The following MGRN1 variants were observed in gnomAD, a reference collection of about 807,000 sequenced individuals.
MGRN1 encodes E3 ubiquitin-protein ligase MGRN1.
In MGRN1, 29 loss-of-function variants were observed where a neutral mutation model predicts 69.2. The ratio of observed to expected loss-of-function variants is 0.42; its 90% confidence interval spans 0.31 to 0.57. The LOEUF (loss-of-function observed/expected upper bound fraction) is 0.57. MGRN1 is among the 20% of genes least tolerant of loss of function. The probability of loss-of-function intolerance (pLI) is 0.15; values close to 1 mark genes in which losing one functional copy is unlikely to be tolerated. For missense variants in MGRN1, 998 were observed against 796.2 expected (o/e 1.25, Z -3.05); for synonymous variants, 470 against 344.2 (o/e 1.37, Z -4.04).
chr16:4,660,340 C>G (rs1289064185), intron 5 of MGRN1, among the ~76,000 whole-genome samples: 1 of 152,250 alleles, frequency 6.6e-6, no homozygotes, highest in Non-Finnish European at 1.5e-5. Flanking sequence ...AAGGGCTTTA[C>G]CTGGAGCCGC....
chr16:4,676,571 C>T (rs980783214), intron 10 of MGRN1, among the ~76,000 whole-genome samples: 1 of 152,196 alleles, frequency 6.6e-6, no homozygotes, highest in Non-Finnish European at 1.5e-5. Flanking sequence ...GCAGAGACTG[C>T]TGTTCTCAGT....
At chr16:4,662,595 G>A (rs1040473482) in intron 5 of MGRN1, among the ~76,000 whole-genome samples, 1 of 152,102 alleles carries the variant, frequency 6.6e-6, no homozygotes, top group Non-Finnish European at 1.5e-5. Flanking sequence ...TGCTGGGTCT[G>A]TCGAGAGGAC....
At chr16:4,650,844 C>T (rs138792475) in intron 2 of MGRN1, 40 of 163,614 alleles carry the variant, frequency 2.4e-4, no homozygotes, top group Admixed American at 5.1e-4. Flanking sequence ...TTGTGGCTCA[C>T]GCCTGTAATC....
chr16:4,688,031 T>G (rs2079372802), intron 16 of MGRN1: 1 of 985,432 alleles, frequency 1.0e-6, no homozygotes, highest in East Asian at 1.1e-4. Context: ...AGTGCAGGTG[T>G]GATCTAGAAC....
Position 4,690,345 on chromosome 16 carries a change from C to T in MGRN1, c.*1437C>T, listed in dbSNP as rs1026240671. On this transcript the variant is annotated 3_prime_UTR_variant, in exon 17 of 17. Coordinates refer to ENST00000262370, the MANE Select transcript of MGRN1 (RefSeq NM_015246.4). The stretch of plus-strand genomic sequence containing the variant: ...AGGCAGGTGTCTGCTGCTCACCTGG[C>T]TCTGGAGGGCTGCCCTGCAGCTGGG... The T allele has an allele frequency of 6.6e-6, 1 of 152,208 alleles. No homozygotes were observed. The highest frequency in any genetic ancestry group is 2.4e-5 in the African/African-American group (1 of 41,422). The allele number at this position is 152,208 out of a possible 1,614,324, so 9.4% of individuals were successfully genotyped here. A position where few individuals can be genotyped will look rare whatever the true frequency, so the allele number is the denominator to read the frequency against.
intron 5 of MGRN1, among the ~76,000 whole-genome samples, chr16:4,661,158 T>C (rs1382641627): frequency 7.0e-6 from 1 of 143,494 alleles, no homozygotes; most frequent in Non-Finnish European, 1.5e-5. Flanking sequence ...TTTTTTTTTT[T>C]GGTAGAGACA....
chr16:4,630,561 C>T (rs1567166120), intron 1 of MGRN1, among the ~76,000 whole-genome samples: 1 of 151,624 alleles, frequency 6.6e-6, no homozygotes. Flanking sequence ...GATTCTTCTA[C>T]CTCAGCCTAC....
chr16:4,649,009 A>G, intron 1 of MGRN1: 1 of 155,754 alleles, frequency 6.4e-6, no homozygotes, highest in Non-Finnish European at 1.4e-5. Flanking sequence ...TCCAGGGGAG[A>G]GGCCATGCTC....
At chr16:4,650,510 G>A (rs1193151298) in intron 2 of MGRN1, 27 bp downstream of exon 2, 2 of 1,551,480 alleles carry the variant, frequency 1.3e-6, no homozygotes, top group East Asian at 2.3e-5. Flanking sequence ...CTGTCTCATG[G>A]GGCTGTGGGG....
chr16:4,647,842 G>T (rs1039299913), intron 1 of MGRN1, among the ~76,000 whole-genome samples: 5 of 152,004 alleles, frequency 3.3e-5, no homozygotes, highest in Non-Finnish European at 7.4e-5. Flanking sequence ...GGTTAGGTGG[G>T]GCTGCGGCTC....
intron 1 of MGRN1, among the ~76,000 whole-genome samples, chr16:4,645,390 A>C (rs535243806): frequency 1.3e-5 from 2 of 152,210 alleles, no homozygotes; most frequent in South Asian, 4.1e-4. Flanking sequence ...GCTGGTCTTG[A>C]ACTCTGGGGC....
chr16:4,673,455 G>A lies in MGRN1; in HGVS notation c.796-43G>A, dbSNP rs759194827. The A allele has an allele frequency of 7.5e-6, 12 of 1,599,832 alleles. No individual in the cohort carries two copies. The South Asian group carries it at 1.1e-4, about 15-fold the overall frequency. Reference sequence around the variant, plus strand: ...GGACAGGAAGCAGGAGCCGTACTCTGGCCTTTGGGAGGCTGCTGACCCACA... The same window carrying A: ...GGACAGGAAGCAGGAGCCGTACTCTAGCCTTTGGGAGGCTGCTGACCCACA... On this transcript the variant is annotated intron_variant, in intron 9 of 16. Coordinates refer to ENST00000262370, the MANE Select transcript of MGRN1 (RefSeq NM_015246.4).
intron 1 of MGRN1, among the ~76,000 whole-genome samples, chr16:4,627,487 T>C (rs1344573904): frequency 6.6e-6 from 1 of 152,268 alleles, no homozygotes; most frequent in East Asian, 1.9e-4. Flanking sequence ...AGTTAAATTA[T>C]AGAATTGTGC....
chr16:4,628,895 G>A (rs868573138), intron 1 of MGRN1, among the ~76,000 whole-genome samples: 46 of 152,042 alleles, frequency 3.0e-4, no homozygotes, highest in Admixed American at 3.3e-4. Context: ...GGAGTGCAGT[G>A]GTGCAATCTT....
At chr16:4,675,424 T>C (rs1190855519) in intron 10 of MGRN1, among the ~76,000 whole-genome samples, 2 of 152,106 alleles carry the variant, frequency 1.3e-5, no homozygotes, top group Admixed American at 1.3e-4. Context: ...ATTTTAAAGG[T>C]AAAATAGAAA....
chr16:4,681,975 G>C (rs77075573), intron 13 of MGRN1, among the ~76,000 whole-genome samples, 199 bp downstream of exon 13: 1 of 152,258 alleles, frequency 6.6e-6, no homozygotes, highest in Non-Finnish European at 1.5e-5. Context: ...CAGGAAGAGC[G>C]TCCGGGCAGC....
intron 4 of MGRN1, among the ~76,000 whole-genome samples, chr16:4,656,012 G>A (rs1040019662): frequency 1.6e-4 from 25 of 152,230 alleles, no homozygotes; most frequent in African/African-American, 5.8e-4. Flanking sequence ...TTCTGCCTTT[G>A]TGTGTACAGT....
intron 4 of MGRN1, among the ~76,000 whole-genome samples, chr16:4,653,751 G>T (rs1312955711): frequency 6.7e-6 from 1 of 150,292 alleles, no homozygotes; most frequent in East Asian, 2.0e-4. Flanking sequence ...GCCTCCCAAA[G>T]TGGTTTTTGT....
chr16:4,629,169 T>A, intron 1 of MGRN1, among the ~76,000 whole-genome samples: 1 of 151,348 alleles, frequency 6.6e-6, no homozygotes, highest in African/African-American at 2.4e-5. Context: ...TGTGTGTGTG[T>A]GTGTGTGTGT....
Sources: allele counts gnomAD v4.1 joint callset (sites outside exome capture counted in the v4.1 genomes callset), GRCh38; gene constraint gnomAD v4.1.1; transcripts MANE v1.5; gene names NCBI Gene and HGNC (gene_info 2026-07-23, HGNC 2026-07-21).